The following PDE1A variants were observed in gnomAD, a reference collection of about 807,000 sequenced individuals.
PDE1A encodes the protein phosphodiesterase 1A.
PDE1A carries 35 observed loss-of-function variants against 61.7 expected under a neutral mutation model. The ratio of observed to expected loss-of-function variants is 0.57; its 90% CI spans 0.43 to 0.75. The LOEUF (loss-of-function observed/expected upper bound fraction) is 0.75. PDE1A is among the 30% of genes least tolerant of loss of function. The pLI, the probability that PDE1A is intolerant of heterozygous loss-of-function variation, is 0.00. For missense variants in PDE1A, 597 were observed against 630.6 expected (o/e 0.95, Z 0.57); for synonymous variants, 232 against 213.2 (o/e 1.09, Z -0.77).
chr2:182,289,920 T>C (rs1694412908), intron 1 of PDE1A, among the ~76,000 whole-genome samples: 1 of 152,124 alleles, frequency 6.6e-6, no homozygotes, highest in Admixed American at 6.6e-5. Context: ...CAGCTATGTA[T>C]GGATCAAACA....
At chr2:182,565,344 A>G in the PDE1A span, among the ~76,000 whole-genome samples, 1 of 152,304 alleles carries the variant, frequency 6.6e-6, no homozygotes, top group Admixed American at 6.5e-5. Context: ...CCTGGGTACC[A>G]GCAGCGGTGG....
chr2:182,240,661 G>A (rs1178540875), intron 2 of PDE1A, among the ~76,000 whole-genome samples: 2 of 152,162 alleles, frequency 1.3e-5, no homozygotes, highest in Non-Finnish European at 1.5e-5. Flanking sequence ...ATTAAAGGAA[G>A]TAACTGGAGT....
the PDE1A span, among the ~76,000 whole-genome samples, chr2:182,610,044 T>C: frequency 1.3e-5 from 2 of 149,990 alleles, no homozygotes; most frequent in East Asian, 4.0e-4. Flanking sequence ...GCCAAGATTA[T>C]GCCACTGCAC....
intron 1 of PDE1A, among the ~76,000 whole-genome samples, chr2:182,352,325 A>C (rs1334015282): frequency 1.3e-5 from 2 of 152,206 alleles, no homozygotes; most frequent in Non-Finnish European, 2.9e-5. Flanking sequence ...GACAAGAAGA[A>C]TCCATGCACA....
chr2:182,585,734 A>G, the PDE1A span, among the ~76,000 whole-genome samples: 1 of 152,198 alleles, frequency 6.6e-6, no homozygotes, highest in South Asian at 2.1e-4. Context: ...TGGTGGCAAA[A>G]ATAATTTTCC....
chr2:182,287,885 T>A (rs1010955523), intron 1 of PDE1A, among the ~76,000 whole-genome samples: 7 of 152,276 alleles, frequency 4.6e-5, no homozygotes, highest in Non-Finnish European at 1.0e-4. Context: ...TATTTATGTG[T>A]AGTAAACCAC....
chr2:182,496,129 T>C (rs1482881358), intron 2 of PDE1A, among the ~76,000 whole-genome samples: 1 of 152,226 alleles, frequency 6.6e-6, no homozygotes, highest in Admixed American at 6.5e-5. Context: ...TATTTTTTTA[T>C]CTCTTAAGTA....
intron 8 of PDE1A, among the ~76,000 whole-genome samples, chr2:182,205,046 A>G (rs1387506598): frequency 6.6e-6 from 1 of 152,128 alleles, no homozygotes; most frequent in Non-Finnish European, 1.5e-5. Context: ...CCTTTTGGAT[A>G]TTTCTTTTTA....
At chr2:182,380,715 T>G (rs1477644300) in intron 1 of PDE1A, among the ~76,000 whole-genome samples, 2 of 152,216 alleles carry the variant, frequency 1.3e-5, no homozygotes, top group African/African-American at 4.8e-5. Flanking sequence ...TCTTCAACTT[T>G]AGGATAGTTA....
chr2:182,255,144 CAG>C (rs1209643420), intron 2 of PDE1A, among the ~76,000 whole-genome samples: 2 of 152,060 alleles, frequency 1.3e-5, no homozygotes, highest in Non-Finnish European at 2.9e-5. Context: ...GCAAGCAAAA[CAG>C]AGGTGGACCT....
At chr2:182,537,116 G>T in the PDE1A span, among the ~76,000 whole-genome samples, 1 of 152,254 alleles carries the variant, frequency 6.6e-6, no homozygotes, top group Admixed American at 6.5e-5. Flanking sequence ...AGAAATAATA[G>T]TTATTGCTGT....
At chr2:182,186,185 T>C in intron 12 of PDE1A, 106 bp from the exon 13 acceptor site, 10 of 1,193,602 alleles carry the variant, frequency 8.4e-6, no homozygotes, top group African/African-American at 1.5e-5. Context: ...GGATAGTAGA[T>C]GCTCAGTCCC....
At chr2:182,224,747 A>G (rs1689003788) in intron 6 of PDE1A, among the ~76,000 whole-genome samples, 1 of 152,070 alleles carries the variant, frequency 6.6e-6, no homozygotes, top group Non-Finnish European at 1.5e-5. Context: ...AGTTAAAAAT[A>G]AAGAAAATTA....
At chr2:182,486,841 C>G (rs1688054736) in intron 2 of PDE1A, among the ~76,000 whole-genome samples, 1 of 152,020 alleles carries the variant, frequency 6.6e-6, no homozygotes, top group Admixed American at 6.6e-5. Context: ...TAGTAGAAAA[C>G]AGGAGAGAAT....
the PDE1A span, among the ~76,000 whole-genome samples, chr2:182,556,597 A>G: frequency 2.0e-5 from 3 of 152,196 alleles, no homozygotes; most frequent in Admixed American, 2.0e-4. Context: ...AATTGAAAGC[A>G]ATGAGTCCAA....
At chr2:182,657,975 G>A in the PDE1A span, among the ~76,000 whole-genome samples, 2 of 143,294 alleles carry the variant, frequency 1.4e-5, no homozygotes, top group African/African-American at 5.2e-5. Context: ...ACCCTGCAAG[G>A]CAGTTGTGAG....
At chr2:182,411,830 G>A (rs569064401) in intron 1 of PDE1A, among the ~76,000 whole-genome samples, 1 of 152,192 alleles carries the variant, frequency 6.6e-6, no homozygotes, top group South Asian at 2.1e-4. Context: ...GGAGACTGAG[G>A]TGAGCAGATC....
At position 182,460,350 on chromosome 2, in the gene PDE1A, A is replaced by T. The variant is rs1291847631; in HGVS notation, c.101+61926T>A. Among the ~76,000 whole-genome samples the T allele has an allele frequency of 3.3e-5, 5 of 152,052 alleles. No individual in the cohort carries two copies. The East Asian group carries it at 9.7e-4, about 29-fold the overall frequency. ...AGTGTTACTTCCCATCACCAGTTCG[A>T]CCTTTCATTCAAAAACAGTAAAAGC... On this transcript the variant is annotated intron_variant, in intron 2 of 14. Coordinates refer to the PDE1A transcript ENST00000410103.
upstream of PDE1A, among the ~76,000 whole-genome samples, chr2:182,524,520 T>C: frequency 6.6e-6 from 1 of 152,152 alleles, no homozygotes; most frequent in Admixed American, 6.5e-5. Flanking sequence ...CACACATTGA[T>C]ATTTAAGACC....
Sources: allele counts gnomAD v4.1 joint callset (sites outside exome capture counted in the v4.1 genomes callset), GRCh38; gene constraint gnomAD v4.1.1; transcripts MANE v1.5; gene names NCBI Gene and HGNC (gene_info 2026-07-23, HGNC 2026-07-21).